TACC3: variants seen among roughly 807,000 people sequenced by gnomAD.
The protein encoded by TACC3 is transforming acidic coiled-coil containing protein 3.
TACC3 carries 52 observed loss-of-function variants against 86.0 expected under a neutral mutation model. The ratio of observed to expected loss-of-function variants is 0.60; its 90% CI spans 0.48 to 0.76. TACC3 has a LOEUF of 0.76. Ranked by LOEUF, TACC3 falls within the 30% of genes least tolerant of loss-of-function variation. TACC3 has a pLI of 0.00. For synonymous variants in TACC3, 512 were observed against 430.0 expected (o/e 1.19, Z -2.36); for missense variants, 1,120 against 1,070.4 (o/e 1.05, Z -0.65).
In TACC3 at chr4:1,739,659, A is replaced by C. The variant is rs901432597; in HGVS notation, c.1942-43A>C. 7.1e-6 allele frequency: 11 copies of C among 1,544,134 alleles called. No individual in the cohort carries two copies. In the African/African-American group the frequency reaches 1.5e-4, roughly 21 times the overall value. On this transcript the variant is annotated intron_variant, in intron 10 of 15. Transcript: ENST00000313288. ...CCTGTGGGGAGGTCCTGGGAGGGTC[A>C]GTCTGGCCCGCCTGCCTGCTGACTT...
At chr4:1,736,459 G>A (rs1718272059) in intron 8 of TACC3, among the ~76,000 whole-genome samples, 1 of 146,802 alleles carries the variant, frequency 6.8e-6, no homozygotes, top group South Asian at 2.2e-4. Context: ...AAAAATAGAG[G>A]TCAGCAAACT....
rs780480820 is a variant in TACC3, at chr4:1,745,001, G to A, written c.2505G>A (p.Met835Ile). ...TCTGCGACGACCTCATCTCCAAGAT[G>A]GAGAAGATCTGACCTCCACGGAGCC... ...TRICDDLISK[M>I]EKI The change falls in exon 16 of 16, where the codon ATG (methionine) becomes ATA (isoleucine). Residue 835 changes from methionine (M) to isoleucine (I), a missense_variant. Physicochemically the swap from Met to Ile is conservative, Grantham distance 10 (BLOSUM62 1). Coordinates refer to ENST00000313288, the MANE Select transcript of TACC3 (RefSeq NM_006342.3). 2 of 1,609,054 alleles carry A rather than the reference G, an allele frequency of 1.2e-6. No individual in the cohort carries two copies. The highest frequency in any genetic ancestry group is 1.7e-6 in the Non-Finnish European group (2 of 1,178,306).
chr4:1,727,512 G>A (rs944983945), intron 3 of TACC3, among the ~76,000 whole-genome samples, 196 bp from the exon 4 acceptor site: 1 of 152,210 alleles, frequency 6.6e-6, no homozygotes, highest in East Asian at 1.9e-4. Flanking sequence ...GTTCCACCGG[G>A]AGCTGGTCCC....
chr4:1,743,835 C>T (rs573526169), intron 13 of TACC3, among the ~76,000 whole-genome samples: 1 of 152,278 alleles, frequency 6.6e-6, no homozygotes, highest in Admixed American at 6.5e-5. Flanking sequence ...TTAAGGGAGG[C>T]GTGACCTCCG....
chr4:1,731,494 ACCTT>A (rs1280479514), intron 6 of TACC3, among the ~76,000 whole-genome samples, 193 bp downstream of exon 6: 14 of 152,358 alleles, frequency 9.2e-5, no homozygotes, highest in Admixed American at 6.5e-5. Context: ...CAGGGCTCAT[ACCTT>A]TAACATAAAA....
chr4:1,740,611 C>G (rs1262100637), intron 12 of TACC3: 4 of 512,072 alleles, frequency 7.8e-6, no homozygotes, highest in Non-Finnish European at 1.4e-5. Flanking sequence ...CTCCAGTTCC[C>G]TGCGGATCTG....
intron 6 of TACC3, among the ~76,000 whole-genome samples, chr4:1,733,185 G>A (rs749589675): frequency 2.0e-5 from 3 of 152,180 alleles, no homozygotes; most frequent in Non-Finnish European, 4.4e-5. Flanking sequence ...TCATGAACGA[G>A]CGTCTTTTTA....
chr4:1,731,080 C>T, intron 5 of TACC3, 92 bp from the exon 6 acceptor site: 3 of 1,597,082 alleles, frequency 1.9e-6, no homozygotes, highest in Non-Finnish European at 2.6e-6. Context: ...TCCCTCTCCC[C>T]CAAGTCTACT....
chr4:1,735,719 T>A lies in TACC3; in HGVS notation c.1645-12T>A. ...GGCAGTCAGACCTGATCACTTGCCC[T>A]CTTGTCCCCAGTTTAAGGAGTCGGC... On this transcript the variant is annotated splice_polypyrimidine_tract_variant and intron_variant, in intron 7 of 15. Transcript: ENST00000313288. This position sits in a 1 kb window ranked among gnomAD's most constrained non-coding sequence, Gnocchi z 4.2. The A allele has an allele frequency of 1.2e-6, 2 of 1,607,352 alleles. No individual in the cohort carries two copies. The highest frequency in any genetic ancestry group is 2.7e-5 in the African/African-American group (2 of 74,914).
At chr4:1,740,732 C>T (rs1009837203) in intron 12 of TACC3, 94 bp from the exon 13 acceptor site, 11 of 1,155,772 alleles carry the variant, frequency 9.5e-6, no homozygotes, top group East Asian at 4.8e-5. Context: ...CTCCTCCTGG[C>T]GCTCGAGTCC....
chr4:1,727,667 A>G (rs1263003162), intron 3 of TACC3, 41 bp from the exon 4 acceptor site: 1 of 1,539,094 alleles, frequency 6.5e-7, no homozygotes, highest in African/African-American at 1.4e-5. Context: ...TAACCTCACC[A>G]GGTACTCGCT....
Position 1,739,942 on chromosome 4 carries a change from C to T in TACC3, c.2019-17C>T. On this transcript the variant is annotated splice_polypyrimidine_tract_variant and intron_variant, in intron 11 of 15. Transcript: ENST00000313288. ...GGCACCCGAGGCAATGGCTGTGTGT[C>T]TGTTCTCCTCCCACAGGAAGATCAT... 2 of 1,613,108 alleles carry T rather than the reference C, an allele frequency of 1.2e-6. No homozygotes were observed. Among genetic ancestry groups the T allele is most frequent in the Non-Finnish European group, 1.7e-6 (2 of 1,179,988 alleles).
Position 1,730,928 on chromosome 4 carries a change from A to G in TACC3, c.1427A>G (p.Gln476Arg), listed in dbSNP as rs779615051. The G allele has an allele frequency of 3.7e-6, 6 of 1,613,440 alleles. No homozygotes were observed. Among genetic ancestry groups the G allele is most frequent in the Non-Finnish European group, 4.2e-6 (5 of 1,180,046 alleles). ...TCAGCGGAGGACACGCCTGTGGTGC[A>G]GTTGGCAGCCGAGACCCCAACAGCA... ...SASAEDTPVVQLAAETPTAES... is the reference protein window; with the variant it reads ...SASAEDTPVVRLAAETPTAES... Residue 476 changes from glutamine to arginine, a missense_variant, in exon 5 of 16, where the codon CAG becomes CGG. Coordinates refer to ENST00000313288, the MANE Select transcript of TACC3 (RefSeq NM_006342.3).
In TACC3 at chr4:1,735,617, G is replaced by T; in HGVS notation, c.1645-114G>T. 2 of 851,758 alleles carry T rather than the reference G, an allele frequency of 2.3e-6. No individual in the cohort carries two copies. The highest frequency in any genetic ancestry group is 1.3e-5 in the South Asian group (1 of 74,212). The allele number at this position is 851,758 out of a possible 1,614,324, so 52.8% of individuals were successfully genotyped here. A position where few individuals can be genotyped will look rare whatever the true frequency, so the allele number is the denominator to read the frequency against. ...GGCAGGGTTGTGGGTGACCGGGGGT[G>T]GGAGTGTGCGGGTGACCGGGGGTGG... On this transcript the variant is annotated intron_variant, in intron 7 of 15. Coordinates refer to ENST00000313288, the MANE Select transcript of TACC3 (RefSeq NM_006342.3). This position sits in a 1 kb window ranked among gnomAD's most constrained non-coding sequence, Gnocchi z 4.2.
rs138527924 is a variant in TACC3, at chr4:1,735,752, A to G, written c.1666A>G (p.Lys556Glu). ...CCAGTTTAAGGAGTCGGCCTTGAGG[A>G]AGCAGTCCTTATACCTCAAGTTCGA... ...TSSFKESALR[K>E]QSLYLKFDPL... The change falls in exon 8 of 16, where the codon AAG becomes GAG. Residue 556 changes from lysine (K) to glutamate (E), a missense_variant. Transcript: ENST00000313288. This position sits in a 1 kb window ranked among gnomAD's most constrained non-coding sequence, Gnocchi z 4.2. 1 of 1,612,902 alleles carries G rather than the reference A, an allele frequency of 6.2e-7. No individual in the cohort carries two copies. Among genetic ancestry groups the G allele is most frequent in the East Asian group, 2.2e-5 (1 of 44,836 alleles).
rs80150495 is a variant in TACC3 at position 1,735,080 on chromosome 4, G to A, written c.1592-193G>A. On this transcript the variant is annotated intron_variant, in intron 6 of 15. Transcript: ENST00000313288. This position sits in a 1 kb window ranked among gnomAD's most constrained non-coding sequence, Gnocchi z 4.2. The stretch of plus-strand genomic sequence containing the variant: ...GGAGTGGGTAGAGGCTGGGGATGCC[G>A]CTCAGCACCCTGCGGTGCCCAGGAG... Among the ~76,000 whole-genome samples the A allele has an allele frequency of 3.3e-5, 5 of 152,344 alleles. No homozygotes were observed. Among genetic ancestry groups the A allele is most frequent in the South Asian group, 2.1e-4 (1 of 4,834 alleles).
intron 10 of TACC3, 193 bp downstream of exon 10, chr4:1,737,895 C>T: frequency 1.4e-6 from 1 of 689,744 alleles, no homozygotes; most frequent in Non-Finnish European, 2.6e-6. Context: ...TCCAGGCTTC[C>T]ACCCAGTGTC....
intron 3 of TACC3, among the ~76,000 whole-genome samples, chr4:1,725,974 CTTAGAG>C (rs915506730): frequency 1.3e-5 from 2 of 152,242 alleles, no homozygotes; most frequent in African/African-American, 4.8e-5. Context: ...CATCTTCAAA[CTTAGAG>C]TTGGAAGAGA....
rs1717549408 is a variant in TACC3 at position 1,723,869 on chromosome 4, A to G, written c.304A>G (p.Asn102Asp). The change falls in exon 3 of 16, where the codon AAC becomes GAC. Residue 102 changes from asparagine (N) to aspartate (D), a missense_variant and splice_region_variant. By Grantham distance (23) the Asn-to-Asp change is conservative. Transcript: ENST00000313288. The part of the protein sequence containing the change: ...NSHPVWTQKE[N>D]QQLIKEVDAK... Reference sequence around the variant, plus strand: ...ACACCCGGTCTGGACACAGAAAGAGAAGTAAGTGTTGGTGCTGCTGGACAT... The same window carrying G: ...ACACCCGGTCTGGACACAGAAAGAGGAGTAAGTGTTGGTGCTGCTGGACAT... 1 of 1,613,074 alleles carries G rather than the reference A, an allele frequency of 6.2e-7. No homozygotes were observed. The highest frequency in any genetic ancestry group is 2.2e-5 in the East Asian group (1 of 44,890).
Sources: gnomAD v4.1 joint callset for allele counts (sites outside exome capture counted in the v4.1 genomes callset) on GRCh38, gnomAD v4.1.1 for gene constraint, Gnocchi (gnomAD v3.1) non-coding constraint, MANE v1.5 for transcripts, NCBI Gene and HGNC (gene_info 2026-07-23, HGNC 2026-07-21) for gene names.